DIS3L2: variants seen among roughly 807,000 people sequenced by gnomAD.
DIS3L2 encodes DIS3-like exonuclease 2.
In DIS3L2, 34 loss-of-function variants were observed where a neutral mutation model predicts 97.5. The observed-to-expected ratio is 0.35, with a 90% CI of 0.27 to 0.46. DIS3L2 has a LOEUF of 0.46. DIS3L2 is among the 20% of genes least tolerant of loss of function. DIS3L2 has a pLI of 1.00. For synonymous variants in DIS3L2, 435 were observed against 445.2 expected (o/e 0.98, Z 0.29); for missense variants, 1,038 against 1,146.0 (o/e 0.91, Z 1.36).
intron 11 of DIS3L2, among the ~76,000 whole-genome samples, chr2:232,240,576 C>T (rs1462512348): frequency 1.3e-5 from 2 of 152,188 alleles, no homozygotes; most frequent in East Asian, 3.9e-4. Flanking sequence ...AATTCCGTAC[C>T]AGACTTTGCT....
chr2:232,332,772 C>T (rs1241308267), intron 16 of DIS3L2, among the ~76,000 whole-genome samples: 1 of 152,198 alleles, frequency 6.6e-6, no homozygotes, highest in East Asian at 1.9e-4. Flanking sequence ...CCCTTGACTG[C>T]TGTGGGGTGG....
rs558317388 is a variant in DIS3L2 at position 232,102,520 on chromosome 2, T to G, written c.601+14799T>G. Among the ~76,000 whole-genome samples the G allele has an allele frequency of 3.3e-5, 5 of 152,304 alleles. No homozygotes were observed. In the South Asian group the frequency reaches 1.0e-3, roughly 32 times the overall value. On this transcript the variant is annotated intron_variant, in intron 6 of 20. Transcript: ENST00000325385. ...ACATGGTTGGGGTGAAGTATCCTGA[T>G]GTCTTTAATTTATTTTGAATGGTTC... is the stretch of plus-strand genomic sequence containing the variant.
chr2:232,222,499 C>T lies in DIS3L2; in HGVS notation c.1204+12094C>T, dbSNP rs575015499. Among the ~76,000 whole-genome samples the T allele has an allele frequency of 3.3e-5, 5 of 152,176 alleles. No individual in the cohort carries two copies. In the East Asian group the frequency reaches 7.7e-4, roughly 24 times the overall value. Reference sequence around the variant, plus strand: ...ACAATTTTTTTTTTTAAGACTGAGTCTTGCTCTGTCGCCCAGGCTGGAGTG... The same window carrying T: ...ACAATTTTTTTTTTTAAGACTGAGTTTTGCTCTGTCGCCCAGGCTGGAGTG... On this transcript the variant is annotated intron_variant, in intron 10 of 20. Transcript: ENST00000325385.
chr2:232,238,664 T>C lies in DIS3L2; in HGVS notation c.1317+19T>C. The C allele has an allele frequency of 6.3e-7, 1 of 1,591,056 alleles. No homozygotes were observed. Among genetic ancestry groups the C allele is most frequent in the African/African-American group, 1.4e-5 (1 of 74,064 alleles). The stretch of plus-strand genomic sequence containing the variant: ...TCAAAAGGTAAAAATCCATCTCTAG[T>C]TTCTTTTTTCTTGCTTTGTTTATTT... On this transcript the variant is annotated intron_variant, in intron 11 of 20. Transcript: ENST00000325385.
In DIS3L2 at chr2:232,039,240, A is replaced by G. The variant is rs190215007; in HGVS notation, c.366+9160A>G. 1.1e-3 allele frequency among the ~76,000 whole-genome samples: 172 copies of G among 152,322 alleles called. No individual in the cohort carries two copies. The Middle Eastern group carries it at 0.014, about 12-fold the overall frequency. ...TGATAGTTGTTGGTGACAGGGTCAAAGTAGGGAGAAGAGAATATTCGGACT... is the reference window on the plus strand; with the variant it reads ...TGATAGTTGTTGGTGACAGGGTCAAGGTAGGGAGAAGAGAATATTCGGACT... On this transcript the variant is annotated intron_variant, in intron 5 of 20. Coordinates refer to ENST00000325385, the MANE Select transcript of DIS3L2 (RefSeq NM_152383.5).
At chr2:232,329,787 C>CCGGGCG in intron 14 of DIS3L2, 26 bp from the exon 15 acceptor site, 1 of 1,062,210 alleles carries the variant, frequency 9.4e-7, no homozygotes, top group Non-Finnish European at 1.3e-6. Context: ...CCCAGCGGTC[C>CCGGGCG]CTCCCATCCC....
intron 1 of DIS3L2, among the ~76,000 whole-genome samples, chr2:231,975,849 TTTC>T (rs1304553056): frequency 6.6e-6 from 1 of 152,024 alleles, no homozygotes; most frequent in Non-Finnish European, 1.5e-5. Flanking sequence ...AGGTAATGCT[TTTC>T]TGGAATACAA....
At chr2:232,120,408 A>G (rs1198368053) in intron 6 of DIS3L2, among the ~76,000 whole-genome samples, 1 of 152,122 alleles carries the variant, frequency 6.6e-6, no homozygotes, top group Non-Finnish European at 1.5e-5. Flanking sequence ...TTTAGAGATA[A>G]GTTCCCTTAT....
At chr2:232,171,234 A>G (rs1690981150) in intron 9 of DIS3L2, among the ~76,000 whole-genome samples, 1 of 152,208 alleles carries the variant, frequency 6.6e-6, no homozygotes, top group Non-Finnish European at 1.5e-5. Flanking sequence ...GTCATGCAGA[A>G]AAAGGATCTG....
intron 6 of DIS3L2, among the ~76,000 whole-genome samples, chr2:232,089,715 C>G (rs944579005): frequency 5.3e-5 from 8 of 152,190 alleles, no homozygotes; most frequent in African/African-American, 1.9e-4. Flanking sequence ...TCAGCAGCCT[C>G]TTTTCCTCTG....
chr2:232,219,926 T>A (rs918076766), intron 10 of DIS3L2, among the ~76,000 whole-genome samples: 3 of 152,148 alleles, frequency 2.0e-5, no homozygotes, highest in Non-Finnish European at 2.9e-5. Flanking sequence ...AAATGTTTTT[T>A]CCCTTTAGTT....
intron 8 of DIS3L2, among the ~76,000 whole-genome samples, chr2:232,155,346 A>C (rs1690461986): frequency 6.7e-6 from 1 of 150,168 alleles, no homozygotes; most frequent in Non-Finnish European, 1.5e-5. Flanking sequence ...CCCTCCCACC[A>C]CTCCATTCAT....
chr2:232,100,633 A>G (rs1697168379), intron 6 of DIS3L2, among the ~76,000 whole-genome samples: 1 of 151,852 alleles, frequency 6.6e-6, no homozygotes, highest in Non-Finnish European at 1.5e-5. Context: ...TAACTAGGTT[A>G]TTTATTAAGG....
At chr2:232,163,062 A>G (rs1690699820) in intron 8 of DIS3L2, among the ~76,000 whole-genome samples, 1 of 152,226 alleles carries the variant, frequency 6.6e-6, no homozygotes, top group Non-Finnish European at 1.5e-5. Flanking sequence ...GTTGTGAAAT[A>G]GGAACATCAG....
rs1432867727 is a variant in DIS3L2 at position 232,238,515 on chromosome 2, C to T, written c.1205-18C>T. 1 of 1,608,230 alleles carries T rather than the reference C, an allele frequency of 6.2e-7. No homozygotes were observed. The highest frequency in any genetic ancestry group is 2.2e-5 in the East Asian group (1 of 44,818). On this transcript the variant is annotated intron_variant, in intron 10 of 20. Transcript: ENST00000325385. ...GGCCTTCCACGCCAGCCTGATAGTC[C>T]TTCTCGTGCATTTACAGGCAACTTC...
intron 14 of DIS3L2, among the ~76,000 whole-genome samples, chr2:232,318,413 A>C (rs1695335294): frequency 6.6e-6 from 1 of 152,230 alleles, no homozygotes; most frequent in East Asian, 1.9e-4. Context: ...CTTGTCCAGC[A>C]AACATTATTG....
At chr2:232,311,587 A>G (rs1430322775) in intron 14 of DIS3L2, among the ~76,000 whole-genome samples, 1 of 152,236 alleles carries the variant, frequency 6.6e-6, no homozygotes, top group Non-Finnish European at 1.5e-5. Flanking sequence ...AATAATAAAT[A>G]GAACATTACA....
chr2:232,114,431 GAAAAAAAT>G (rs530768807), intron 6 of DIS3L2, among the ~76,000 whole-genome samples: 66 of 152,094 alleles, frequency 4.3e-4, no homozygotes, highest in Non-Finnish European at 8.7e-4. Flanking sequence ...GTTCTTTAGT[GAAAAAAAT>G]AAAAAAATAA....
At position 232,276,664 on chromosome 2, in the gene DIS3L2, C is replaced by T. The variant is rs1694149384; in HGVS notation, c.1659+13224C>T. Among the ~76,000 whole-genome samples the T allele has an allele frequency of 6.6e-6, 1 of 152,192 alleles. No homozygotes were observed. The highest frequency in any genetic ancestry group is 1.9e-4 in the East Asian group (1 of 5,198). ...CAATGACTGTTTATTTGAACATCTC[C>T]TGCGCAACAAGAGAATGTAGTGATC... On this transcript the variant is annotated intron_variant, in intron 13 of 20. Transcript: ENST00000325385. The surrounding 1 kb of genome is among the most constrained non-coding windows in gnomAD (Gnocchi z 4.4).
Sources: allele counts gnomAD v4.1 joint callset (sites outside exome capture counted in the v4.1 genomes callset), GRCh38; gene constraint gnomAD v4.1.1; non-coding constraint Gnocchi (gnomAD v3.1); transcripts MANE v1.5; gene names NCBI Gene and HGNC (gene_info 2026-07-23, HGNC 2026-07-21).